HCN4: variants seen among roughly 807,000 people sequenced by gnomAD.
HCN4 encodes the protein hyperpolarization activated cyclic nucleotide gated potassium channel 4, also known as potassium/sodium hyperpolarization-activated cyclic nucleotide-gated channel 4.
Under a neutral mutation model 76.9 loss-of-function variants are expected in HCN4, and 29 were observed. The observed-to-expected ratio is 0.38, with a 90% CI of 0.28 to 0.51. The LOEUF is 0.51. Ranked by LOEUF, HCN4 falls within the 20% of genes least tolerant of loss-of-function variation. The probability of loss-of-function intolerance (pLI) is 0.90; values close to 1 mark genes in which losing one functional copy is unlikely to be tolerated. For missense variants in HCN4, 1,416 were observed against 1,715.2 expected, an observed-to-expected ratio of 0.83 and a Z score of 3.08; for synonymous variants, 772 against 762.5, an observed-to-expected ratio of 1.01 and a Z score of -0.21.
intron 2 of HCN4, among the ~76,000 whole-genome samples, chr15:73,334,044 C>G (rs1207339659): frequency 6.6e-6 from 1 of 152,188 alleles, no homozygotes; most frequent in Non-Finnish European, 1.5e-5. Context: ...GAATGAGGTG[C>G]CCAGATTCAC....
chr15:73,337,243 T>A (rs970449572), intron 2 of HCN4, among the ~76,000 whole-genome samples: 1 of 152,256 alleles, frequency 6.6e-6, no homozygotes, highest in Non-Finnish European at 1.5e-5. Context: ...GTTCTCACTA[T>A]CTGAAATGAC....
chr15:73,356,374 CTTTTTTT>C lies in HCN4; in HGVS notation c.785+11105_785+11111del, dbSNP rs71137342. Among the ~76,000 whole-genome samples the C allele has an allele frequency of 3.6e-4, 42 of 118,180 alleles. 1 individual carries two copies. The highest frequency in any genetic ancestry group is 6.2e-4 in the African/African-American group (19 of 30,822). 77.5% of individuals were successfully genotyped at this position (118,180 alleles called of 152,430 possible). A position where few individuals can be genotyped will look rare whatever the true frequency, so the allele number is the denominator to read the frequency against. ...AGCTAATTTTTCTTTCTTTTCTTTTCTTTTTTTTTTTTTTTTTTTGTAGAGGTAGGGT... is the reference window on the plus strand; with the variant it reads ...AGCTAATTTTTCTTTCTTTTCTTTTCTTTTTTTTTTTTGTAGAGGTAGGGT... On this transcript the variant is annotated intron_variant, in intron 1 of 7. Coordinates refer to ENST00000261917, the MANE Select transcript of HCN4 (RefSeq NM_005477.3).
chr15:73,366,955 C>T (rs970839235), intron 1 of HCN4, among the ~76,000 whole-genome samples: 1 of 152,196 alleles, frequency 6.6e-6, no homozygotes, highest in South Asian at 2.1e-4. Context: ...AGGGGGTTTT[C>T]ATCCCGGCCT....
chr15:73,322,322 A>G lies in HCN4; in HGVS notation c.*159T>C, dbSNP rs2042864013. On this transcript the variant is annotated 3_prime_UTR_variant, in exon 8 of 8. Transcript: ENST00000261917. Reference sequence around the variant, plus strand: ...CAAGTGACCAAAAATCTATAGCTCTAAGAATACCTGGTTATTTTCTGCTGT... The same window carrying G: ...CAAGTGACCAAAAATCTATAGCTCTGAGAATACCTGGTTATTTTCTGCTGT... 1.4e-6 allele frequency: 1 copy of G among 731,236 alleles called. No individual in the cohort carries two copies. Among genetic ancestry groups the G allele is most frequent in the Non-Finnish European group, 2.4e-6 (1 of 417,414 alleles). 45.3% of individuals were successfully genotyped at this position (731,236 alleles called of 1,614,324 possible).
chr15:73,355,661 C>CT (rs1215797680), intron 1 of HCN4, among the ~76,000 whole-genome samples: 1 of 152,176 alleles, frequency 6.6e-6, no homozygotes, highest in Non-Finnish European at 1.5e-5. Context: ...AAAAGAAACA[C>CT]TTTGAGATGA....
At chr15:73,364,854 AG>A (rs2043121607) in intron 1 of HCN4, among the ~76,000 whole-genome samples, 1 of 148,958 alleles carries the variant, frequency 6.7e-6, no homozygotes, top group African/African-American at 2.6e-5. Context: ...TTCCTCCCCC[AG>A]CAATGGGAGA....
At position 73,329,698 on chromosome 15, in the gene HCN4, T is replaced by C. The variant is rs1157049194; in HGVS notation, c.1465A>G (p.Met489Val). The change falls in exon 4 of 8, where the codon ATG becomes GTG. Residue 489 changes from methionine to valine, a missense_variant. Around this residue, in one of 6 missense-constraint regions of HCN4, gnomAD observed 112 missense variants for 259.9 expected, o/e 0.43. Coordinates refer to ENST00000261917, the MANE Select transcript of HCN4 (RefSeq NM_005477.3). ...AGCATGGTGAGCCAGACGTCGGACATGCCCACGGGCGCCTGCCGCCCGTAG... is the reference window on the plus strand; with the variant it reads ...AGCATGGTGAGCCAGACGTCGGACACGCCCACGGGCGCCTGCCGCCCGTAG... ...IGYGRQAPVGMSDVWLTMLSM... is the reference protein window; with the variant it reads ...IGYGRQAPVGVSDVWLTMLSM... The C allele has an allele frequency of 5.6e-6, 9 of 1,614,042 alleles. No individual in the cohort carries two copies. Among genetic ancestry groups the C allele is most frequent in the Non-Finnish European group, 7.6e-6 (9 of 1,180,008 alleles).
intron 2 of HCN4, chr15:73,341,069 G>GGGGT (rs1491312112): frequency 6.9e-6 from 1 of 145,864 alleles, no homozygotes; most frequent in African/African-American, 2.6e-5. Flanking sequence ...GAGGGAGGTA[G>GGGGT]GTGTGTGTGT....
At chr15:73,324,304 A>G in intron 6 of HCN4, 51 bp from the exon 7 acceptor site, 1 of 1,591,730 alleles carries the variant, frequency 6.3e-7, no homozygotes, top group Non-Finnish European at 8.6e-7. Flanking sequence ...TGCCCAGGCC[A>G]GGGGGACTGC....
At chr15:73,333,482 C>T (rs2042945112) in intron 2 of HCN4, among the ~76,000 whole-genome samples, 1 of 152,198 alleles carries the variant, frequency 6.6e-6, no homozygotes, top group Admixed American at 6.5e-5. Flanking sequence ...ATGTCAGCCC[C>T]TGTCTACTGG....
rs745499663 is a variant in HCN4 at position 73,343,348 on chromosome 15, T to C, written c.1209+37A>G. On this transcript the variant is annotated intron_variant, in intron 2 of 7. Coordinates refer to ENST00000261917, the MANE Select transcript of HCN4 (RefSeq NM_005477.3). This position sits in a 1 kb window ranked among gnomAD's most constrained non-coding sequence, Gnocchi z 5.7. ...AGTTCCTCACTCCCTCTGTGGGGAG[T>C]GGCCTTTCCCCCAAGAGGTTTGCAC... 1.3e-6 allele frequency: 2 copies of C among 1,596,692 alleles called. No individual in the cohort carries two copies. The highest frequency in any genetic ancestry group is 1.1e-5 in the South Asian group (1 of 90,024).
At chr15:73,352,237 A>G (rs905399746) in intron 1 of HCN4, among the ~76,000 whole-genome samples, 4 of 152,216 alleles carry the variant, frequency 2.6e-5, no homozygotes. Context: ...AGATGAGTGC[A>G]TGCCATGCAT....
At position 73,322,774 on chromosome 15, in the gene HCN4, G is replaced by A. The variant is rs1384783760; in HGVS notation, c.3319C>T (p.His1107Tyr). The A allele has an allele frequency of 6.4e-7, 1 of 1,556,792 alleles. No individual in the cohort carries two copies. The highest frequency in any genetic ancestry group is 8.7e-7 in the Non-Finnish European group (1 of 1,149,840). ...GCAGCCATGGACTCCCCTGAGGAGT[G>A]CGGGGAGGCTCTGCGGAGAGTCTGC... ...GAQTLRRASP[H>Y]SSGESMAAFP... is the part of the protein sequence containing the mutation. The change falls in exon 8 of 8, where the codon CAC becomes TAC. Residue 1107 changes from histidine (H) to tyrosine (Y), a missense_variant. Physicochemically the swap from His to Tyr is moderately conservative, Grantham distance 83. This residue lies in a region of HCN4 where 633 missense variants were observed against 579.8 expected (regional missense o/e 1.09). Coordinates refer to ENST00000261917, the MANE Select transcript of HCN4 (RefSeq NM_005477.3).
intron 3 of HCN4, among the ~76,000 whole-genome samples, chr15:73,330,587 C>T (rs1314983195): frequency 2.6e-5 from 4 of 152,214 alleles, no homozygotes; most frequent in South Asian, 4.1e-4. Context: ...TTGAACCTGA[C>T]GAATGCCAGC....
rs1230257661 is a variant in HCN4, at chr15:73,343,231, G to A, written c.1209+154C>T. ...ATGTAAAGTATCCAGCACATGATAA[G>A]AGGTCAAGAACTTACTAGTATTTGT... On this transcript the variant is annotated intron_variant, in intron 2 of 7. Coordinates refer to ENST00000261917, the MANE Select transcript of HCN4 (RefSeq NM_005477.3). The surrounding 1 kb of genome is among the most constrained non-coding windows in gnomAD (Gnocchi z 5.7). 6.6e-6 allele frequency among the ~76,000 whole-genome samples: 1 copy of A among 152,222 alleles called. No individual in the cohort carries two copies. Among genetic ancestry groups the A allele is most frequent in the Non-Finnish European group, 1.5e-5 (1 of 68,042 alleles).
intron 1 of HCN4, among the ~76,000 whole-genome samples, chr15:73,348,958 T>C (rs929062532): frequency 3.3e-5 from 5 of 152,194 alleles, no homozygotes; most frequent in Non-Finnish European, 7.3e-5. Flanking sequence ...TCCTCAAAGC[T>C]GAATGGCACA....
intron 1 of HCN4, among the ~76,000 whole-genome samples, chr15:73,350,371 C>T (rs915167270): frequency 6.6e-6 from 1 of 152,196 alleles, no homozygotes; most frequent in South Asian, 2.1e-4. Context: ...AATCCCACAA[C>T]CTCAGACCAG....
intron 1 of HCN4, among the ~76,000 whole-genome samples, chr15:73,350,424 GTCA>G (rs2043050573): frequency 6.6e-6 from 1 of 152,138 alleles, no homozygotes; most frequent in Non-Finnish European, 1.5e-5. Flanking sequence ...ATGCCTCAAT[GTCA>G]TCATCATGGC....
intron 4 of HCN4, among the ~76,000 whole-genome samples, chr15:73,327,994 G>C (rs1210440793): frequency 6.6e-6 from 1 of 152,224 alleles, no homozygotes; most frequent in Non-Finnish European, 1.5e-5. Context: ...CTGTGTGCCA[G>C]GCATGGGGCA....
Sources: allele counts gnomAD v4.1 joint callset (sites outside exome capture counted in the v4.1 genomes callset), GRCh38; gene constraint gnomAD v4.1.1; regional missense constraint gnomAD v4.1.1; non-coding constraint Gnocchi (gnomAD v3.1); transcripts MANE v1.5; gene names NCBI Gene and HGNC (gene_info 2026-07-23, HGNC 2026-07-21).